CUL1: variants seen among roughly 807,000 people sequenced by gnomAD.
CUL1 encodes the protein cullin 1.
In CUL1, 24 loss-of-function variants were observed where a neutral mutation model predicts 118.0. The ratio of observed to expected loss-of-function variants is 0.20; its 90% CI spans 0.15 to 0.29. CUL1 has a LOEUF of 0.29. Among genes scored for constraint, CUL1 ranks in the 10% least tolerant of loss-of-function variants. CUL1 has a pLI of 1.00. For missense variants in CUL1, 361 were observed against 933.8 expected (o/e 0.39, Z 7.99); for synonymous variants, 332 against 340.4 (o/e 0.98, Z 0.27).
chr7:148,789,703 T>G (rs1800942409), intron 14 of CUL1, 47 bp from the exon 15 acceptor site: 1 of 1,460,266 alleles, frequency 6.8e-7, no homozygotes. Flanking sequence ...TATAAACTAA[T>G]TAATGTATTC....
intron 1 of CUL1, among the ~76,000 whole-genome samples, chr7:148,706,217 G>A (rs1797875381): frequency 6.6e-6 from 1 of 152,182 alleles, no homozygotes; most frequent in South Asian, 2.1e-4. Flanking sequence ...GAAACAGTCT[G>A]AAATTCAAAA....
intron 4 of CUL1, among the ~76,000 whole-genome samples, chr7:148,759,067 A>G (rs1799753204): frequency 6.6e-6 from 1 of 152,242 alleles, no homozygotes; most frequent in South Asian, 2.1e-4. Flanking sequence ...TGTTTCCAAC[A>G]ACAGTTAAAG....
chr7:148,719,087 G>A (rs963161967), intron 1 of CUL1, among the ~76,000 whole-genome samples: 7 of 152,096 alleles, frequency 4.6e-5, no homozygotes, highest in South Asian at 2.1e-4. Flanking sequence ...CGAGGCGGGC[G>A]GATCACGAGT....
chr7:148,756,949 A>T, intron 3 of CUL1, 34 bp from the exon 4 acceptor site: 1 of 1,449,662 alleles, frequency 6.9e-7, no homozygotes, highest in Non-Finnish European at 9.3e-7. Flanking sequence ...GTGACAAATT[A>T]GTCATCTTAA....
intron 7 of CUL1, among the ~76,000 whole-genome samples, chr7:148,764,602 G>T (rs921881090): frequency 4.6e-5 from 7 of 152,232 alleles, no homozygotes; most frequent in Non-Finnish European, 2.9e-5. Context: ...TGCCTGAGAT[G>T]ATTATGTTCT....
intron 1 of CUL1, among the ~76,000 whole-genome samples, chr7:148,707,006 G>A (rs550664595): frequency 6.6e-6 from 1 of 152,070 alleles, no homozygotes; most frequent in African/African-American, 2.4e-5. Flanking sequence ...GTTACAGGGA[G>A]ATATATCTTA....
intron 1 of CUL1, among the ~76,000 whole-genome samples, chr7:148,725,562 T>C (rs2129459471): frequency 6.6e-6 from 1 of 152,266 alleles, no homozygotes; most frequent in East Asian, 1.9e-4. Context: ...CCCCGTCTGC[T>C]TCCTCCTTGT....
chr7:148,747,376 C>T (rs774545872), intron 2 of CUL1, among the ~76,000 whole-genome samples: 16 of 152,070 alleles, frequency 1.1e-4, no homozygotes, highest in Non-Finnish European at 1.5e-5. Flanking sequence ...AGGGAATTCC[C>T]AGGCATCTGA....
At chr7:148,782,445 A>C (rs1178426460) in intron 9 of CUL1, among the ~76,000 whole-genome samples, 1 of 152,214 alleles carries the variant, frequency 6.6e-6, no homozygotes, top group African/African-American at 2.4e-5. Flanking sequence ...CATTTTTAAG[A>C]TGGTAATTTT....
intron 2 of CUL1, among the ~76,000 whole-genome samples, chr7:148,737,035 C>T (rs1352933066): frequency 6.6e-6 from 1 of 152,174 alleles, no homozygotes; most frequent in Non-Finnish European, 1.5e-5. Context: ...TATTAGTTTG[C>T]CTTTTGCAAA....
intron 1 of CUL1, among the ~76,000 whole-genome samples, chr7:148,705,807 C>A (rs1797861855): frequency 6.6e-6 from 1 of 152,156 alleles, no homozygotes; most frequent in Non-Finnish European, 1.5e-5. Context: ...AACTTGGAGA[C>A]TTTGGTGTGG....
intron 8 of CUL1, 70 bp from the exon 9 acceptor site, chr7:148,767,549 A>T: frequency 1.4e-6 from 2 of 1,383,518 alleles, no homozygotes; most frequent in Non-Finnish European, 1.0e-6. Flanking sequence ...TCTCAGTATA[A>T]ATACATAATT....
rs886540994 is a variant in CUL1, at chr7:148,741,598, C to T, written c.140+11336C>T. The stretch of plus-strand genomic sequence containing the variant: ...GAACCGCAGGTGTGCATCACCATGC[C>T]CAGCTAATTTTGGTGTTTGTAGTAG... On this transcript the variant is annotated intron_variant, in intron 2 of 21. Transcript: ENST00000325222. Among the ~76,000 whole-genome samples the T allele has an allele frequency of 3.9e-4, 59 of 149,736 alleles. 1 individual carries two copies. The highest frequency in any genetic ancestry group is 1.4e-3 in the African/African-American group (58 of 40,208).
At chr7:148,717,598 C>T (rs569842462) in intron 1 of CUL1, among the ~76,000 whole-genome samples, 1 of 152,066 alleles carries the variant, frequency 6.6e-6, no homozygotes, top group South Asian at 2.1e-4. Flanking sequence ...CGAAACCTTC[C>T]ATAACTCTGT....
At chr7:148,702,987 A>G (rs1797765761) in intron 1 of CUL1, among the ~76,000 whole-genome samples, 1 of 152,180 alleles carries the variant, frequency 6.6e-6, no homozygotes, top group African/African-American at 2.4e-5. Flanking sequence ...AACCCACTTT[A>G]CAGAATATAG....
chr7:148,709,644 A>G (rs1180900272), intron 1 of CUL1, among the ~76,000 whole-genome samples: 1 of 152,230 alleles, frequency 6.6e-6, no homozygotes. Flanking sequence ...GTATGAAATA[A>G]AAAATATGGA....
At chr7:148,705,257 A>G (rs907300241) in intron 1 of CUL1, among the ~76,000 whole-genome samples, 1 of 152,160 alleles carries the variant, frequency 6.6e-6, no homozygotes, top group African/African-American at 2.4e-5. Context: ...TTTTAGTAAT[A>G]GTGTGAACTT....
At chr7:148,723,196 AG>A (rs1391981210) in intron 1 of CUL1, among the ~76,000 whole-genome samples, 11 of 152,292 alleles carry the variant, frequency 7.2e-5, no homozygotes, top group African/African-American at 2.6e-4. Context: ...GTACCTTTGC[AG>A]TTACAAACTC....
At chr7:148,702,293 C>A (rs1797744502) in intron 1 of CUL1, among the ~76,000 whole-genome samples, 2 of 152,126 alleles carry the variant, frequency 1.3e-5, no homozygotes, top group Admixed American at 6.5e-5. Flanking sequence ...AGATTGAAGT[C>A]ATTTATTTTT....
Sources: gnomAD v4.1 joint callset for allele counts (sites outside exome capture counted in the v4.1 genomes callset) on GRCh38, gnomAD v4.1.1 for gene constraint, MANE v1.5 for transcripts, NCBI Gene and HGNC (gene_info 2026-07-23, HGNC 2026-07-21) for gene names.